Variants in CLSTN2 observed in about 807,000 individuals in gnomAD.
CLSTN2 encodes calsyntenin-2.
A neutral mutation model predicts 101.2 loss-of-function variants in CLSTN2; 48 were observed. That is an observed-to-expected ratio of 0.47 (90% CI 0.38 to 0.60). The LOEUF (loss-of-function observed/expected upper bound fraction) is 0.60. CLSTN2 is among the 20% of genes least tolerant of loss of function. The probability of loss-of-function intolerance (pLI) is 0.00; values close to 1 mark genes in which losing one functional copy is unlikely to be tolerated. For synonymous variants in CLSTN2, 481 were observed against 463.6 expected, an observed-to-expected ratio of 1.04 and a Z score of -0.48; for missense variants, 1,160 against 1,238.2, an observed-to-expected ratio of 0.94 and a Z score of 0.95.
At chr3:140,512,039 C>A (rs1171334525) in intron 8 of CLSTN2, among the ~76,000 whole-genome samples, 1 of 151,656 alleles carries the variant, frequency 6.6e-6, no homozygotes, top group African/African-American at 2.4e-5. Context: ...GGATATTACA[C>A]CTTTGTCAGA....
intron 7 of CLSTN2, among the ~76,000 whole-genome samples, chr3:140,463,663 C>T (rs1933617927): frequency 6.6e-6 from 1 of 152,068 alleles, no homozygotes; most frequent in African/African-American, 2.4e-5. Flanking sequence ...CTGATTCTTG[C>T]CCAGGGTGTC....
chr3:139,984,397 C>G (rs1439585773), intron 1 of CLSTN2, among the ~76,000 whole-genome samples: 1 of 152,148 alleles, frequency 6.6e-6, no homozygotes, highest in Non-Finnish European at 1.5e-5. Context: ...CTTATTCTCC[C>G]TTCACCCTGT....
chr3:140,324,620 A>C (rs901900594), intron 2 of CLSTN2, among the ~76,000 whole-genome samples: 53 of 152,196 alleles, frequency 3.5e-4, no homozygotes, highest in African/African-American at 1.2e-3. Flanking sequence ...TCACATGTTT[A>C]CTTTTTTAAC....
At chr3:140,477,834 A>C in intron 8 of CLSTN2, among the ~76,000 whole-genome samples, 1 of 152,358 alleles carries the variant, frequency 6.6e-6, no homozygotes, top group East Asian at 1.9e-4. Context: ...GCAATCCCCA[A>C]TGGCACTGGC....
At chr3:140,101,016 C>A (rs1223848705) in intron 1 of CLSTN2, among the ~76,000 whole-genome samples, 1 of 151,982 alleles carries the variant, frequency 6.6e-6, no homozygotes, top group Non-Finnish European at 1.5e-5. Context: ...GCTGTAGAGA[C>A]CCTGGTTGGA....
intron 8 of CLSTN2, among the ~76,000 whole-genome samples, chr3:140,494,317 C>T (rs1054299838): frequency 6.6e-6 from 1 of 152,168 alleles, no homozygotes; most frequent in Non-Finnish European, 1.5e-5. Context: ...CAATAAAGAT[C>T]ACAAGCCCAG....
intron 1 of CLSTN2, among the ~76,000 whole-genome samples, chr3:140,143,832 C>T (rs767948701): frequency 2.0e-5 from 3 of 152,228 alleles, no homozygotes; most frequent in African/African-American, 7.2e-5. Context: ...CCAGGGAAGG[C>T]GTGTGGAGGG....
At chr3:140,464,774 A>T (rs1394664272) in intron 7 of CLSTN2, among the ~76,000 whole-genome samples, 1 of 152,214 alleles carries the variant, frequency 6.6e-6, no homozygotes, top group Non-Finnish European at 1.5e-5. Context: ...GGGGGACAAG[A>T]AATCTTTAGT....
At chr3:140,036,550 C>T (rs1048150995) in intron 1 of CLSTN2, among the ~76,000 whole-genome samples, 1 of 148,528 alleles carries the variant, frequency 6.7e-6, no homozygotes, top group Non-Finnish European at 1.5e-5. Flanking sequence ...GGTAAAAAGC[C>T]CAAAATGTGC....
chr3:140,205,001 A>G (rs931135979), intron 2 of CLSTN2, among the ~76,000 whole-genome samples: 2 of 152,150 alleles, frequency 1.3e-5, no homozygotes, highest in African/African-American at 4.8e-5. Flanking sequence ...TTGGGGAATC[A>G]GGAGGGGTGA....
At chr3:140,000,623 T>C (rs930149787) in intron 1 of CLSTN2, among the ~76,000 whole-genome samples, 38 of 152,208 alleles carry the variant, frequency 2.5e-4, no homozygotes, top group Admixed American at 9.8e-4. Flanking sequence ...TTCTGTAGAT[T>C]GTCCCATTTC....
intron 2 of CLSTN2, among the ~76,000 whole-genome samples, chr3:140,270,024 C>T (rs2086727775): frequency 6.6e-6 from 1 of 152,142 alleles, no homozygotes; most frequent in South Asian, 2.1e-4. Context: ...TTGCTGGGCT[C>T]CCATCTTTAA....
chr3:140,351,101 A>G (rs933579341), intron 2 of CLSTN2, among the ~76,000 whole-genome samples: 6 of 152,176 alleles, frequency 3.9e-5, no homozygotes, highest in Admixed American at 2.6e-4. Flanking sequence ...AACAGGGAAG[A>G]CTTCCCAGAG....
intron 1 of CLSTN2, among the ~76,000 whole-genome samples, chr3:140,036,910 C>T (rs1484189687): frequency 6.6e-6 from 1 of 152,038 alleles, no homozygotes; most frequent in East Asian, 1.9e-4. Flanking sequence ...TGTAAAAATG[C>T]TTTTTCAATT....
At chr3:139,941,692 T>C (rs1935134228) in intron 1 of CLSTN2, among the ~76,000 whole-genome samples, 1 of 152,176 alleles carries the variant, frequency 6.6e-6, no homozygotes, top group African/African-American at 2.4e-5. Context: ...GGTAAGCATA[T>C]GTCAGGGGCA....
intron 2 of CLSTN2, among the ~76,000 whole-genome samples, chr3:140,402,428 A>G (rs1266769290): frequency 6.6e-6 from 1 of 152,266 alleles, no homozygotes; most frequent in Non-Finnish European, 1.5e-5. Flanking sequence ...ATAAATTGAT[A>G]TAAAATACTT....
intron 2 of CLSTN2, among the ~76,000 whole-genome samples, chr3:140,241,756 C>T (rs1348247985): frequency 2.7e-5 from 4 of 150,046 alleles, no homozygotes; most frequent in African/African-American, 9.8e-5. Flanking sequence ...ACAATTTAAT[C>T]CAGTTGCTTA....
intron 2 of CLSTN2, among the ~76,000 whole-genome samples, chr3:140,352,276 A>C (rs1157322342): frequency 1.3e-5 from 2 of 152,232 alleles, no homozygotes; most frequent in African/African-American, 2.4e-5. Flanking sequence ...ACGAATCCAC[A>C]AACATTTGTT....
chr3:140,154,641 CTTTTTT>C (rs35699283), intron 1 of CLSTN2, among the ~76,000 whole-genome samples: 1 of 92,874 alleles, frequency 1.1e-5, no homozygotes, highest in African/African-American at 4.1e-5. Context: ...AAGTATCACC[CTTTTTT>C]TTTTTTTTTT....
Sources: gnomAD v4.1 joint callset for allele counts (sites outside exome capture counted in the v4.1 genomes callset) on GRCh38, gnomAD v4.1.1 for gene constraint, MANE v1.5 for transcripts, NCBI Gene and HGNC (gene_info 2026-07-23, HGNC 2026-07-21) for gene names.